The following BTBD9 variants were observed in gnomAD, a reference collection of about 807,000 sequenced individuals.
BTBD9 encodes the protein BTB domain containing 9, also known as BTB/POZ domain-containing protein 9.
In BTBD9, 49 loss-of-function variants were observed where a neutral mutation model predicts 64.3. The observed-to-expected ratio is 0.76, with a 90% CI of 0.61 to 0.97. The LOEUF (loss-of-function observed/expected upper bound fraction) is 0.97. Among genes scored for constraint, BTBD9 ranks in the 50% least tolerant of loss-of-function variants. The pLI is 0.00. For synonymous variants in BTBD9, 260 were observed against 274.7 expected, an observed-to-expected ratio of 0.95 and a Z score of 0.53; for missense variants, 598 against 762.1, an observed-to-expected ratio of 0.78 and a Z score of 2.53.
intron 6 of BTBD9, among the ~76,000 whole-genome samples, chr6:38,455,594 C>T (rs1230093418): frequency 6.6e-6 from 1 of 152,242 alleles, no homozygotes; most frequent in Non-Finnish European, 1.5e-5. Context: ...GTGTAAGCTG[C>T]AAATTCCTTT....
intron 7 of BTBD9, among the ~76,000 whole-genome samples, chr6:38,303,972 G>T: frequency 7.0e-6 from 1 of 142,722 alleles, no homozygotes; most frequent in African/African-American, 2.6e-5. Flanking sequence ...TATATGTGCT[G>T]GTGAATAGCA....
intron 9 of BTBD9, among the ~76,000 whole-genome samples, chr6:38,240,050 AG>A (rs1763941154): frequency 6.6e-6 from 1 of 152,220 alleles, no homozygotes. Flanking sequence ...TGAGCGTGCA[AG>A]GCTGCTATCC....
At chr6:38,638,152 G>C (rs1582752375) in intron 1 of BTBD9, among the ~76,000 whole-genome samples, 1 of 152,240 alleles carries the variant, frequency 6.6e-6, no homozygotes, top group South Asian at 2.1e-4. Context: ...CTCTTTCAAA[G>C]AGTTCCCTAA....
chr6:38,530,937 A>C (rs2127429559), intron 6 of BTBD9, among the ~76,000 whole-genome samples: 1 of 152,282 alleles, frequency 6.6e-6, no homozygotes, highest in African/African-American at 2.4e-5. Context: ...AATCAAAGGA[A>C]ACAAACAAGA....
intron 9 of BTBD9, among the ~76,000 whole-genome samples, chr6:38,217,045 A>G (rs1763028789): frequency 6.6e-6 from 1 of 151,676 alleles, no homozygotes; most frequent in African/African-American, 2.4e-5. Context: ...GCAGTAGCTC[A>G]TGCCTGTAAT....
intron 6 of BTBD9, among the ~76,000 whole-genome samples, chr6:38,422,603 T>C (rs1383846678): frequency 6.6e-6 from 1 of 152,080 alleles, no homozygotes; most frequent in East Asian, 1.9e-4. Flanking sequence ...AGATGTAGAA[T>C]AGGGATCCCT....
chr6:38,187,232 G>A (rs192684308), intron 10 of BTBD9, among the ~76,000 whole-genome samples: 47 of 152,304 alleles, frequency 3.1e-4, no homozygotes, highest in South Asian at 2.9e-3. Flanking sequence ...TATTTTAGAC[G>A]TGAGAAACTT....
At chr6:38,343,363 G>A (rs1321312099) in intron 7 of BTBD9, among the ~76,000 whole-genome samples, 1 of 152,162 alleles carries the variant, frequency 6.6e-6, no homozygotes, top group Non-Finnish European at 1.5e-5. Flanking sequence ...TTCTTCCTAA[G>A]AGGGGGCTGA....
intron 6 of BTBD9, among the ~76,000 whole-genome samples, chr6:38,403,273 A>G (rs1435027382): frequency 6.6e-6 from 1 of 152,196 alleles, no homozygotes; most frequent in African/African-American, 2.4e-5. Context: ...AAGGAGAGAC[A>G]ATATTTCCCC....
At chr6:38,363,911 TAGAC>T in intron 6 of BTBD9, among the ~76,000 whole-genome samples, 1 of 152,332 alleles carries the variant, frequency 6.6e-6, no homozygotes. Context: ...TACAGCCTAT[TAGAC>T]AGCAATTTAA....
intron 9 of BTBD9, among the ~76,000 whole-genome samples, chr6:38,200,755 A>C (rs1184716492): frequency 2.0e-5 from 3 of 152,214 alleles, no homozygotes; most frequent in Admixed American, 2.0e-4. Context: ...TGAGTAGTGA[A>C]ATGGAATCCA....
chr6:38,469,291 T>G (rs1169691410), intron 6 of BTBD9, among the ~76,000 whole-genome samples: 1 of 151,772 alleles, frequency 6.6e-6, no homozygotes, highest in Admixed American at 6.6e-5. Flanking sequence ...ATTAGGGCAT[T>G]TAAGGAACCC....
chr6:38,592,825 T>C lies in BTBD9; in HGVS notation c.565A>G (p.Ile189Val). ...LSLSKTALLN[I>V]VLRDSFAAPE... ...GCTGCAAATGAGTCTCTTAACACGA[T>C]GTTTAAAAGTGCTGTCTGAAAAGGA... is the stretch of plus-strand genomic sequence containing the variant. Residue 189 changes from isoleucine to valine, a missense_variant, in exon 4 of 11, where the codon ATC (isoleucine) becomes GTC (valine). By Grantham distance (29) the Ile-to-Val change is conservative (BLOSUM62 3). Coordinates refer to ENST00000481247, the MANE Select transcript of BTBD9 (RefSeq NM_001099272.2). 3 of 1,613,992 alleles carry C rather than the reference T, an allele frequency of 1.9e-6. No individual in the cohort carries two copies. Among genetic ancestry groups the C allele is most frequent in the Non-Finnish European group, 1.7e-6 (2 of 1,179,882 alleles).
At chr6:38,263,277 A>G (rs1480341596) in intron 8 of BTBD9, among the ~76,000 whole-genome samples, 1 of 152,222 alleles carries the variant, frequency 6.6e-6, no homozygotes, top group East Asian at 1.9e-4. Flanking sequence ...CTTTACTTAT[A>G]CTTTGGTTTC....
chr6:38,295,817 G>C (rs1762137277), intron 7 of BTBD9, among the ~76,000 whole-genome samples: 1 of 152,164 alleles, frequency 6.6e-6, no homozygotes, highest in South Asian at 2.1e-4. Context: ...GGGAGGCGGA[G>C]GCAGGCGGAG....
chr6:38,274,318 T>A (rs1765299804), intron 8 of BTBD9, among the ~76,000 whole-genome samples: 1 of 152,228 alleles, frequency 6.6e-6, no homozygotes, highest in Non-Finnish European at 1.5e-5. Context: ...AATCACATCA[T>A]CTGCAAACAG....
At chr6:38,447,774 G>A (rs1193312340) in intron 6 of BTBD9, among the ~76,000 whole-genome samples, 1 of 152,154 alleles carries the variant, frequency 6.6e-6, no homozygotes, top group Non-Finnish European at 1.5e-5. Context: ...TTGGAAGAAG[G>A]CTGTACAATG....
chr6:38,453,548 T>C (rs537641126), intron 6 of BTBD9, among the ~76,000 whole-genome samples: 1 of 152,286 alleles, frequency 6.6e-6, no homozygotes, highest in African/African-American at 2.4e-5. Flanking sequence ...AGAGTGGTTT[T>C]AAGTATTTGG....
rs202176960 is a variant in BTBD9 at position 38,529,888 on chromosome 6, G to A, written c.1154+47712C>T. ...TAACAGCGATTTTTAGGGAACAAGG[G>A]AAGACAACCATAAGGTCTGACTGCC... On this transcript the variant is annotated intron_variant, in intron 6 of 10. Coordinates refer to ENST00000481247, the MANE Select transcript of BTBD9 (RefSeq NM_001099272.2). Among the ~76,000 whole-genome samples the A allele has an allele frequency of 2.0e-3, 297 of 152,256 alleles. 4 individuals carry two copies. In the East Asian group the frequency reaches 0.037, roughly 19 times the overall value.
Sources: gnomAD v4.1 joint callset for allele counts (sites outside exome capture counted in the v4.1 genomes callset) on GRCh38, gnomAD v4.1.1 for gene constraint, MANE v1.5 for transcripts, NCBI Gene and HGNC (gene_info 2026-07-23, HGNC 2026-07-21) for gene names.